Variants in NKIRAS2 observed in about 807,000 individuals in gnomAD.
NKIRAS2 encodes the protein NF-kappa-B inhibitor-interacting Ras-like protein 2.
A neutral mutation model predicts 20.7 loss-of-function variants in NKIRAS2; 15 were observed. The observed-to-expected ratio is 0.73, with a 90% confidence interval of 0.49 to 1.12. The LOEUF (loss-of-function observed/expected upper bound fraction) is 1.12. Ranked by LOEUF, NKIRAS2 falls within the 50% of genes most tolerant of loss-of-function variation. The pLI is 0.00. For synonymous variants in NKIRAS2, 116 were observed against 101.4 expected, an observed-to-expected ratio of 1.14 and a Z score of -0.87; for missense variants, 196 against 249.6, an observed-to-expected ratio of 0.79 and a Z score of 1.45.
intron 3 of NKIRAS2, among the ~76,000 whole-genome samples, chr17:42,023,382 C>G (rs2052504332): frequency 6.6e-6 from 1 of 152,174 alleles, no homozygotes; most frequent in African/African-American, 2.4e-5. Context: ...GAGCCAGAAA[C>G]TGACTGCTAA....
chr17:42,023,595 A>T, intron 3 of NKIRAS2, 59 bp from the exon 4 acceptor site: 1 of 1,539,816 alleles, frequency 6.5e-7, no homozygotes, highest in Non-Finnish European at 8.9e-7. Flanking sequence ...GCCAGCCCCC[A>T]TGTCCATTCC....
chr17:42,022,061 T>A, intron 2 of NKIRAS2: 1 of 431,470 alleles, frequency 2.3e-6, no homozygotes, highest in South Asian at 1.8e-5. Context: ...AATACAAAAT[T>A]AGCCGGGTGT....
upstream of NKIRAS2, among the ~76,000 whole-genome samples, chr17:42,018,919 A>T (rs2052377603): frequency 6.6e-6 from 1 of 152,152 alleles, no homozygotes; most frequent in Non-Finnish European, 1.5e-5. Context: ...TTGTCTACCC[A>T]CACCTCAACA....
Position 42,023,916 on chromosome 17 carries a change from G to T in NKIRAS2, c.*23G>T. The T allele has an allele frequency of 6.2e-7, 1 of 1,611,216 alleles. No homozygotes were observed. Among genetic ancestry groups the T allele is most frequent in the Non-Finnish European group, 8.5e-7 (1 of 1,178,362 alleles). The stretch of plus-strand genomic sequence containing the variant: ...TGAAGAGCTGCCGTTCCTCTTTCAC[G>T]ATCCCAGCCCCATTTCAGTGTCTGG... On this transcript the variant is annotated 3_prime_UTR_variant, in exon 4 of 4. Coordinates refer to ENST00000393885, the MANE Select transcript of NKIRAS2 (RefSeq NM_017595.6).
At chr17:42,023,533 G>T in intron 3 of NKIRAS2, 121 bp from the exon 4 acceptor site, 1 of 851,182 alleles carries the variant, frequency 1.2e-6, no homozygotes, top group Middle Eastern at 2.4e-4. Flanking sequence ...AATCTAGAAA[G>T]AGATGAGATA....
Position 42,021,550 on chromosome 17 carries a change from T to G in NKIRAS2, c.-14-14T>G. 1.9e-6 allele frequency: 3 copies of G among 1,609,222 alleles called. No homozygotes were observed. Among genetic ancestry groups the G allele is most frequent in the Non-Finnish European group, 2.6e-6 (3 of 1,175,548 alleles). On this transcript the variant is annotated splice_polypyrimidine_tract_variant and intron_variant, in intron 1 of 3. Coordinates refer to ENST00000393885, the MANE Select transcript of NKIRAS2 (RefSeq NM_017595.6). ...TCTTTCCTCACCTTACCCAGCGTGC[T>G]TCTGTTCTTCAAGGTTGAAAACTAA...
At chr17:42,022,228 A>G (rs1207481080) in intron 2 of NKIRAS2, 171 bp from the exon 3 acceptor site, 1 of 668,588 alleles carries the variant, frequency 1.5e-6, no homozygotes, top group African/African-American at 1.8e-5. Flanking sequence ...AAAGAAATTA[A>G]TGTTCGTTCC....
chr17:42,017,799 G>A (rs75732589), upstream of NKIRAS2: 1 of 318,854 alleles, frequency 3.1e-6, no homozygotes, highest in African/African-American at 2.2e-5. Context: ...TGGGGACCAG[G>A]TGACCCAAGA....
Position 42,023,883 on chromosome 17 carries a change from T to C in NKIRAS2, c.566T>C (p.Leu189Ser), listed in dbSNP as rs1555653665. The C allele has an allele frequency of 6.2e-7, 1 of 1,614,078 alleles. No individual in the cohort carries two copies. The highest frequency in any genetic ancestry group is 1.1e-5 in the South Asian group (1 of 91,076). Residue 189 changes from leucine (L) to serine (S), a missense_variant, in exon 4 of 4, where the codon TTG (leucine) becomes TCG (serine). Leu to Ser is a moderately radical substitution (Grantham distance 145). Transcript: ENST00000393885. ...LSRKNKGSGS[L>S]DG ...CGGAAGAACAAGGGCAGCGGCTCCT[T>C]GGATGGCTGAAGAGCTGCCGTTCCT... is the stretch of plus-strand genomic sequence containing the variant.
rs1341745578 is a variant in NKIRAS2, at chr17:42,023,875, C to T, written c.558C>T (p.Ser186=). 14 of 1,614,058 alleles carry T rather than the reference C, an allele frequency of 8.7e-6. No individual in the cohort carries two copies. The highest frequency in any genetic ancestry group is 2.2e-5 in the East Asian group (1 of 44,888). ...AFPLSRKNKG[S]GSLDG ...CCCTCAGCCGGAAGAACAAGGGCAG[C>T]GGCTCCTTGGATGGCTGAAGAGCTG... The change falls in exon 4 of 4, where the codon AGC becomes AGT. Residue 186 remains serine, a synonymous_variant. Coordinates refer to ENST00000393885, the MANE Select transcript of NKIRAS2 (RefSeq NM_017595.6).
upstream of NKIRAS2, among the ~76,000 whole-genome samples, chr17:42,018,860 A>G (rs1207454950): frequency 6.6e-6 from 1 of 152,180 alleles, no homozygotes; most frequent in East Asian, 1.9e-4. Flanking sequence ...TATCTCTTGT[A>G]TGTTTCACAA....
chr17:42,022,402 C>T lies in NKIRAS2; in HGVS notation c.98C>T (p.Ser33Leu), dbSNP rs900422784. The change falls in exon 3 of 4, where the codon TCG becomes TTG. Residue 33 changes from serine to leucine, a missense_variant. Ser to Leu is a moderately radical substitution (Grantham distance 145). Transcript: ENST00000393885. The part of the protein sequence containing the change: ...QLLYGNHVVG[S>L]EMIETQEDIY... Reference sequence around the variant, plus strand: ...CAGTTTTCTCATTTTATACCAGGTTCGGAGATGATCGAGACGCAGGAGGAC... The same window carrying T: ...CAGTTTTCTCATTTTATACCAGGTTTGGAGATGATCGAGACGCAGGAGGAC... 5.7e-6 allele frequency: 9 copies of T among 1,579,440 alleles called. No homozygotes were observed. The highest frequency in any genetic ancestry group is 2.3e-5 in the East Asian group (1 of 44,258).
At chr17:42,018,237 C>T (rs1463190315), upstream of NKIRAS2, among the ~76,000 whole-genome samples, 3 of 152,096 alleles carry the variant, frequency 2.0e-5, no homozygotes, top group Non-Finnish European at 4.4e-5. Context: ...TTGCCGAATG[C>T]GGTCTGGATT....
chr17:42,019,105 A>AT (rs1338768319), upstream of NKIRAS2, among the ~76,000 whole-genome samples: 2 of 152,002 alleles, frequency 1.3e-5, no homozygotes, highest in Admixed American at 6.6e-5. Flanking sequence ...GGCGCTCATC[A>AT]TTTTTTAAAA....
At position 42,024,379 on chromosome 17, in the gene NKIRAS2, T is replaced by C. The variant is rs1555653819; in HGVS notation, c.*486T>C. The C allele has an allele frequency of 1.2e-5, 2 of 167,016 alleles. No individual in the cohort carries two copies. The highest frequency in any genetic ancestry group is 5.6e-5 in the Admixed American group (1 of 17,786). 10.3% of individuals were successfully genotyped at this position (167,016 alleles called of 1,614,324 possible). On this transcript the variant is annotated 3_prime_UTR_variant, in exon 4 of 4. Coordinates refer to ENST00000393885, the MANE Select transcript of NKIRAS2 (RefSeq NM_017595.6). ...TGCACACACAAATATGCTCCTATAC[T>C]GGCATTAGGCGTCTCCTCATCCCTC...
intron 2 of NKIRAS2, chr17:42,022,002 G>C: frequency 1.8e-6 from 1 of 562,740 alleles, no homozygotes; most frequent in Non-Finnish European, 3.4e-6. Flanking sequence ...CTCAGGTCGG[G>C]AGTTCGAGAC....
upstream of NKIRAS2, among the ~76,000 whole-genome samples, chr17:42,019,762 C>T (rs782194421): frequency 6.6e-6 from 1 of 152,252 alleles, no homozygotes; most frequent in Non-Finnish European, 1.5e-5. Context: ...AACTCGTCCA[C>T]TTTCTCTCAG....
chr17:42,022,393 T>C lies in NKIRAS2; in HGVS notation c.95-6T>C, dbSNP rs782643651. On this transcript the variant is annotated splice_region_variant and splice_polypyrimidine_tract_variant and intron_variant, in intron 2 of 3. Transcript: ENST00000393885. ...CACTTCAGACAGTTTTCTCATTTTA[T>C]ACCAGGTTCGGAGATGATCGAGACG... 1 of 1,567,098 alleles carries C rather than the reference T, an allele frequency of 6.4e-7. No homozygotes were observed. Among genetic ancestry groups the C allele is most frequent in the South Asian group, 1.2e-5 (1 of 86,814 alleles).
chr17:42,024,048 C>T lies in NKIRAS2; in HGVS notation c.*155C>T. The stretch of plus-strand genomic sequence containing the variant: ...CCCCAGCCACTTTGCTCCCTCTCAC[C>T]TCTGGGAAGTGCAAATACTCTTGGT... On this transcript the variant is annotated 3_prime_UTR_variant, in exon 4 of 4. Coordinates refer to ENST00000393885, the MANE Select transcript of NKIRAS2 (RefSeq NM_017595.6). 3 of 1,178,004 alleles carry T rather than the reference C, an allele frequency of 2.5e-6. No homozygotes were observed. The highest frequency in any genetic ancestry group is 3.5e-6 in the Non-Finnish European group (3 of 861,746). 73.0% of individuals were successfully genotyped at this position (1,178,004 alleles called of 1,614,324 possible). A position where few individuals can be genotyped will look rare whatever the true frequency, so the allele number is the denominator to read the frequency against.
Sources: allele counts gnomAD v4.1 joint callset (sites outside exome capture counted in the v4.1 genomes callset), GRCh38; gene constraint gnomAD v4.1.1; transcripts MANE v1.5; gene names NCBI Gene and HGNC (gene_info 2026-07-23, HGNC 2026-07-21).